The following PLD1 variants were observed in gnomAD, a reference collection of about 807,000 sequenced individuals.
PLD1 encodes the protein choline phosphatase 1.
PLD1 carries 112 observed loss-of-function variants against 137.1 expected under a neutral mutation model. That is an observed-to-expected ratio of 0.82 (90% CI 0.70 to 0.96). PLD1 has a LOEUF of 0.96. Among genes scored for constraint, PLD1 ranks in the 40% least tolerant of loss-of-function variants. The pLI, the probability that PLD1 is intolerant of heterozygous loss-of-function variation, is 0.00. For synonymous variants in PLD1, 431 were observed against 454.7 expected (o/e 0.95, Z 0.66); for missense variants, 1,321 against 1,342.0 (o/e 0.98, Z 0.24).
At chr3:171,607,414 C>T (rs1402575082) in intron 25 of PLD1, among the ~76,000 whole-genome samples, 1 of 151,932 alleles carries the variant, frequency 6.6e-6, no homozygotes, top group Non-Finnish European at 1.5e-5. Flanking sequence ...AGAGATAAGC[C>T]AATGTGTCCA....
chr3:171,677,385 CT>C (rs1713488572), intron 17 of PLD1, among the ~76,000 whole-genome samples, 180 bp downstream of exon 17: 2 of 151,772 alleles, frequency 1.3e-5, no homozygotes, highest in African/African-American at 4.8e-5. Context: ...CTTATTATAA[CT>C]GAAAAAAAAG....
At chr3:171,753,073 T>C (rs1720774082) in intron 1 of PLD1, among the ~76,000 whole-genome samples, 1 of 152,220 alleles carries the variant, frequency 6.6e-6, no homozygotes, top group Non-Finnish European at 1.5e-5. Context: ...TTCTTTATAA[T>C]GCAGCTTTGA....
chr3:171,711,817 T>TAAA lies in PLD1; in HGVS notation c.911+2073_911+2075dup, dbSNP rs36106956. Among the ~76,000 whole-genome samples the TAAA allele has an allele frequency of 1.1e-3, 113 of 99,154 alleles. 1 individual carries two copies. Among genetic ancestry groups the TAAA allele is most frequent in the African/African-American group, 3.8e-3 (95 of 25,314 alleles). The allele number at this position is 99,154 out of a possible 152,430, so 65.0% of individuals were successfully genotyped here. On this transcript the variant is annotated intron_variant, in intron 9 of 26. Coordinates refer to ENST00000351298, the MANE Select transcript of PLD1 (RefSeq NM_002662.5). Reference sequence around the variant, plus strand: ...TAAACTCTTACAGAGTTATAAATGCTAAAAAAAAAAAAAAAAAAAAAAAAA... The same window carrying TAAA: ...TAAACTCTTACAGAGTTATAAATGCTAAAAAAAAAAAAAAAAAAAAAAAAAAAA...
At chr3:171,741,367 TC>T (rs1362554002) in intron 1 of PLD1, among the ~76,000 whole-genome samples, 1 of 152,218 alleles carries the variant, frequency 6.6e-6, no homozygotes, top group Non-Finnish European at 1.5e-5. Flanking sequence ...TTGGTTTCAT[TC>T]TTGAATATCA....
chr3:171,623,466 C>T (rs916318114), intron 23 of PLD1, among the ~76,000 whole-genome samples: 3 of 138,696 alleles, frequency 2.2e-5, no homozygotes, highest in African/African-American at 5.5e-5. Context: ...AGGCGCCCAC[C>T]ACCACGCCTT....
chr3:171,764,992 AAGAAAGAAAGAAAG>A (rs1451533508), intron 1 of PLD1: 2 of 141,508 alleles, frequency 1.4e-5, no homozygotes, highest in Non-Finnish European at 3.1e-5. Flanking sequence ...GAAAGAAAGA[AAGAAAGAAAGAAAG>A]AGAAAAAGAA....
chr3:171,716,728 C>CAGA (rs1214846581), intron 8 of PLD1, among the ~76,000 whole-genome samples: 2 of 152,150 alleles, frequency 1.3e-5, no homozygotes, highest in Non-Finnish European at 2.9e-5. Flanking sequence ...TTTTGCTGTG[C>CAGA]AGAAGCTCTT....
At chr3:171,685,259 G>A (rs533650990) in intron 16 of PLD1, among the ~76,000 whole-genome samples, 2 of 152,228 alleles carry the variant, frequency 1.3e-5, no homozygotes, top group Admixed American at 6.5e-5. Context: ...AGAATGCTGG[G>A]AATCATTACT....
rs554247286 is a variant in PLD1, at chr3:171,651,262, G to A, written c.2430-6239C>T. 1.9e-4 allele frequency among the ~76,000 whole-genome samples: 29 copies of A among 152,158 alleles called. No homozygotes were observed. The South Asian group carries it at 5.8e-3, about 30-fold the overall frequency. On this transcript the variant is annotated intron_variant, in intron 21 of 26. Transcript: ENST00000351298. ...TTCAAGAGCTGCTATAAATCGTCTCGTTGTAGATTTTGCAGCAGTGAATAC... is the reference window on the plus strand; with the variant it reads ...TTCAAGAGCTGCTATAAATCGTCTCATTGTAGATTTTGCAGCAGTGAATAC...
intron 1 of PLD1, among the ~76,000 whole-genome samples, chr3:171,764,194 G>C (rs982462507): frequency 1.3e-5 from 2 of 152,062 alleles, no homozygotes; most frequent in African/African-American, 2.4e-5. Flanking sequence ...AGAGTGATCT[G>C]AAACTCCTGG....
intron 15 of PLD1, 38 bp from the exon 16 acceptor site, chr3:171,686,836 A>T: frequency 9.6e-7 from 1 of 1,042,638 alleles, no homozygotes; most frequent in South Asian, 1.4e-5. Context: ...AAAAATACAA[A>T]TATCAAATTT....
chr3:171,637,454 C>T (rs1171251008), intron 23 of PLD1, among the ~76,000 whole-genome samples: 1 of 151,924 alleles, frequency 6.6e-6, no homozygotes. Flanking sequence ...AGGATGGTCT[C>T]GATCTCTTGA....
At chr3:171,766,699 C>T (rs1721999191) in intron 1 of PLD1, among the ~76,000 whole-genome samples, 1 of 152,122 alleles carries the variant, frequency 6.6e-6, no homozygotes, top group African/African-American at 2.4e-5. Context: ...AAAGCGTCTA[C>T]ACTCCTACCT....
chr3:171,668,827 T>C (rs1712432743), intron 19 of PLD1, among the ~76,000 whole-genome samples: 1 of 152,242 alleles, frequency 6.6e-6, no homozygotes, highest in Admixed American at 6.5e-5. Flanking sequence ...ACATGTCAAA[T>C]ATCCTCTGTC....
intron 1 of PLD1, among the ~76,000 whole-genome samples, chr3:171,745,155 T>C (rs1336286272): frequency 1.3e-5 from 2 of 152,262 alleles, no homozygotes; most frequent in East Asian, 3.8e-4. Context: ...ATCTCAGTCA[T>C]ATCTTTGAAT....
At chr3:171,710,869 G>GTTTTTTTTTTTTTTTTTTTTTTTTTT (rs1281179100) in intron 9 of PLD1, among the ~76,000 whole-genome samples, 1 of 98,682 alleles carries the variant, frequency 1.0e-5, no homozygotes, top group Non-Finnish European at 1.9e-5. Context: ...TAGGAAAACT[G>GTTTTTTTTTTTTTTTTTTTTTTTTTT]TTCTTTTTTT....
intron 19 of PLD1, among the ~76,000 whole-genome samples, chr3:171,671,598 C>T (rs934034503): frequency 2.0e-5 from 3 of 152,074 alleles, no homozygotes; most frequent in Non-Finnish European, 4.4e-5. Context: ...TGTGTATAAA[C>T]ATTTGGTCTC....
intron 21 of PLD1, among the ~76,000 whole-genome samples, chr3:171,645,296 G>C (rs544551453): frequency 1.3e-5 from 2 of 152,282 alleles, no homozygotes; most frequent in Admixed American, 6.5e-5. Context: ...ATCGCTTGTA[G>C]GACAAAATGC....
chr3:171,767,745 G>A (rs1050108251), intron 1 of PLD1, among the ~76,000 whole-genome samples: 10 of 152,114 alleles, frequency 6.6e-5, no homozygotes, highest in African/African-American at 2.4e-4. Flanking sequence ...TTAAGGAAAA[G>A]GCTTAGAACA....
Sources: gnomAD v4.1 joint callset for allele counts (sites outside exome capture counted in the v4.1 genomes callset) on GRCh38, gnomAD v4.1.1 for gene constraint, MANE v1.5 for transcripts, NCBI Gene and HGNC (gene_info 2026-07-23, HGNC 2026-07-21) for gene names.